The following PRRC2C variants were observed in gnomAD, a reference collection of about 807,000 sequenced individuals.
PRRC2C encodes the protein protein PRRC2C.
Under a neutral mutation model 317.2 loss-of-function variants are expected in PRRC2C, and 72 were observed. The observed-to-expected ratio is 0.23, with a 90% CI of 0.19 to 0.28. The LOEUF (loss-of-function observed/expected upper bound fraction) is 0.28, where lower values mean the gene tolerates loss of function less well. PRRC2C is among the 10% of genes least tolerant of loss of function. The pLI, the probability that PRRC2C is intolerant of heterozygous loss-of-function variation, is 1.00. For synonymous variants in PRRC2C, 1,296 were observed against 1,205.9 expected (o/e 1.07, Z -1.55); for missense variants, 3,074 against 3,459.7 (o/e 0.89, Z 2.80).
Position 171,537,297 on chromosome 1 carries a change from C to A in PRRC2C, c.2328C>A (p.Asp776Glu). 1.3e-6 allele frequency: 2 copies of A among 1,599,824 alleles called. No individual in the cohort carries two copies. Among genetic ancestry groups the A allele is most frequent in the Non-Finnish European group, 1.7e-6 (2 of 1,172,462 alleles). The change falls in exon 15 of 35, where the codon GAC (aspartate) becomes GAA (glutamate). Residue 776 changes from aspartate (D) to glutamate (E), a missense_variant. Around this residue, in one of 11 missense-constraint regions of PRRC2C, gnomAD observed 1,320 missense variants for 1,395.7 expected, o/e 0.95. Coordinates refer to ENST00000647382, the MANE Select transcript of PRRC2C (RefSeq NM_001387844.1). ...CTCCTAAACCATTAATGAGAAGAGACCAGATGGAAGGGTCACCGAACAGTT... is the reference window on the plus strand; with the variant it reads ...CTCCTAAACCATTAATGAGAAGAGAACAGATGGAAGGGTCACCGAACAGTT... ...MIPPKPLMRR[D>E]QMEGSPNSSE... is the part of the protein sequence containing the mutation.
chr1:171,542,325 AAGG>A (rs372863779), intron 16 of PRRC2C, 96 bp downstream of exon 16: 6 of 1,106,940 alleles, frequency 5.4e-6, no homozygotes, highest in African/African-American at 4.8e-5. Flanking sequence ...AGTCTAGATA[AAGG>A]ACCAAAAAAC....
rs1173641752 is a variant in PRRC2C at position 171,532,904 on chromosome 1, G to A, written c.1816G>A (p.Glu606Lys). The A allele has an allele frequency of 5.1e-6, 8 of 1,576,970 alleles. No homozygotes were observed. The African/African-American group carries it at 9.7e-5, about 19-fold the overall frequency. The stretch of plus-strand genomic sequence containing the variant: ...ATTAGAGGAGAAAATTGAACCCAGA[G>A]AACCTAATTTAGAGCCCATGGTAGA... Reference protein sequence around the residue: ...EKLEEKIEPREPNLEPMVEKQ... With the variant: ...EKLEEKIEPRKPNLEPMVEKQ... The change falls in exon 12 of 35, where the codon GAA becomes AAA. Residue 606 changes from glutamate to lysine, a missense_variant. This residue lies in a region of PRRC2C where 1,320 missense variants were observed against 1,395.7 expected (regional missense o/e 0.95). Coordinates refer to ENST00000647382, the MANE Select transcript of PRRC2C (RefSeq NM_001387844.1).
At chr1:171,527,912 C>A in intron 11 of PRRC2C, 68 bp downstream of exon 11, 2 of 1,331,708 alleles carry the variant, frequency 1.5e-6, no homozygotes, top group Non-Finnish European at 2.1e-6. Context: ...GGAAAGACAC[C>A]AAATTTTTTA....
intron 20 of PRRC2C, 89 bp downstream of exon 20, chr1:171,561,192 T>TCCCACCACGCTAGGATTAC: frequency 8.0e-7 from 1 of 1,254,346 alleles, no homozygotes; most frequent in Non-Finnish European, 1.2e-6. Flanking sequence ...CCTGTAATCC[T>TCCCACCACGCTAGGATTAC]AGCGTGGTGG....
At chr1:171,530,389 A>G (rs1274293902) in intron 11 of PRRC2C, among the ~76,000 whole-genome samples, 1 of 151,368 alleles carries the variant, frequency 6.6e-6, no homozygotes, top group East Asian at 2.0e-4. Flanking sequence ...GACCACAGGC[A>G]TGTGCCTCTA....
intron 1 of PRRC2C, among the ~76,000 whole-genome samples, chr1:171,499,022 C>T (rs140109099): frequency 1.8e-3 from 275 of 152,316 alleles, no homozygotes; most frequent in Admixed American, 2.7e-3. Context: ...GTTGCACAGG[C>T]TGATCTGGAG....
In PRRC2C at chr1:171,592,071, T is replaced by C. The variant is rs1424463602; in HGVS notation, c.*224T>C. On this transcript the variant is annotated 3_prime_UTR_variant, in exon 35 of 35. Coordinates refer to ENST00000647382, the MANE Select transcript of PRRC2C (RefSeq NM_001387844.1). ...TACCTACTATATAACATGTGCTTGG[T>C]TGATGGCCATGCATCTTCAGTCAGA... 1 of 456,940 alleles carries C rather than the reference T, an allele frequency of 2.2e-6. No homozygotes were observed. The highest frequency in any genetic ancestry group is 2.0e-5 in the African/African-American group (1 of 50,698). The allele number at this position is 456,940 out of a possible 1,614,324, so 28.3% of individuals were successfully genotyped here. A position where few individuals can be genotyped will look rare whatever the true frequency, so the allele number is the denominator to read the frequency against.
At chr1:171,517,290 T>A (rs1451834150) in intron 5 of PRRC2C, among the ~76,000 whole-genome samples, 1 of 152,128 alleles carries the variant, frequency 6.6e-6, no homozygotes, top group East Asian at 1.9e-4. Flanking sequence ...CCATCTGATA[T>A]ATGGAGAACA....
intron 1 of PRRC2C, among the ~76,000 whole-genome samples, chr1:171,501,570 A>G (rs1669121537): frequency 6.6e-6 from 1 of 152,234 alleles, no homozygotes; most frequent in African/African-American, 2.4e-5. Flanking sequence ...TGTGTTATTC[A>G]GAAGGTTTTG....
Position 171,496,199 on chromosome 1 carries a change from C to CTTTTTTTTT in PRRC2C, c.-58+10480_-58+10488dup, listed in dbSNP as rs528654548. ...ATTTTTAGAGCTTTGATTTTTGTGC[C>CTTTTTTTTT]TTTTTTTTTTTTTTTTTTTTTTTTG... On this transcript the variant is annotated intron_variant, in intron 1 of 34. Coordinates refer to ENST00000647382, the MANE Select transcript of PRRC2C (RefSeq NM_001387844.1). 3.8e-3 allele frequency among the ~76,000 whole-genome samples: 290 copies of CTTTTTTTTT among 75,634 alleles called. 20 individuals carry two copies. Among genetic ancestry groups the CTTTTTTTTT allele is most frequent in the Non-Finnish European group, 4.6e-3 (205 of 44,464 alleles). The allele number at this position is 75,634 out of a possible 152,430, so 49.6% of individuals were successfully genotyped here.
chr1:171,496,199 C>CTTTTTTTTTTTTTTTTTTTTTT (rs528654548), intron 1 of PRRC2C, among the ~76,000 whole-genome samples: 3 of 75,662 alleles, frequency 4.0e-5, no homozygotes, highest in African/African-American at 6.8e-5. Context: ...ATTTTTGTGC[C>CTTTTTTTTTTTTTTTTTTTTTT]TTTTTTTTTT....
In PRRC2C at chr1:171,592,715, T is replaced by A. The variant is rs1045102131; in HGVS notation, c.*868T>A. 6.6e-6 allele frequency: 1 copy of A among 152,108 alleles called. No homozygotes were observed. The highest frequency in any genetic ancestry group is 1.5e-5 in the Non-Finnish European group (1 of 67,994). The allele number at this position is 152,108 out of a possible 1,614,324, so 9.4% of individuals were successfully genotyped here. ...TGATTTGGGGGTTTTTTTCTTTTTT[T>A]TTTTATACCAGTTTTTAGCTGGTGT... On this transcript the variant is annotated 3_prime_UTR_variant, in exon 35 of 35. Coordinates refer to ENST00000647382, the MANE Select transcript of PRRC2C (RefSeq NM_001387844.1).
At chr1:171,579,735 C>G in intron 27 of PRRC2C, 93 bp from the exon 28 acceptor site, 1 of 1,384,544 alleles carries the variant, frequency 7.2e-7, no homozygotes, top group Non-Finnish European at 9.6e-7. Context: ...TAATTTTACT[C>G]TTTTCATGTC....
intron 15 of PRRC2C, among the ~76,000 whole-genome samples, chr1:171,539,126 C>T (rs972233932): frequency 6.6e-6 from 1 of 152,080 alleles, no homozygotes; most frequent in African/African-American, 2.4e-5. Context: ...CTCAGCCTCC[C>T]TAGTAGCTGG....
intron 1 of PRRC2C, among the ~76,000 whole-genome samples, chr1:171,506,138 C>T (rs2102189890): frequency 6.6e-6 from 1 of 152,318 alleles, no homozygotes; most frequent in African/African-American, 2.4e-5. Context: ...TTTAAGTGAT[C>T]TGTCCACCTT....
In PRRC2C at chr1:171,542,146, T is replaced by C. The variant is rs369385560; in HGVS notation, c.4680T>C (p.Asn1560=). ...PVDRQNRRGN[N]GPPKSGRNFS... The stretch of plus-strand genomic sequence containing the variant: ...ATCGTCAGAATCGACGTGGCAACAA[T>C]GGTCCACCCAAATCAGGAAGGAATT... Residue 1560 remains asparagine (N), a synonymous_variant, in exon 16 of 35, where the codon AAT becomes AAC. Coordinates refer to ENST00000647382, the MANE Select transcript of PRRC2C (RefSeq NM_001387844.1). 2.2e-5 allele frequency: 36 copies of C among 1,610,904 alleles called. No homozygotes were observed. The highest frequency in any genetic ancestry group is 3.0e-5 in the Non-Finnish European group (35 of 1,178,802).
At chr1:171,489,882 T>G (rs751135119) in intron 1 of PRRC2C, among the ~76,000 whole-genome samples, 1 of 152,216 alleles carries the variant, frequency 6.6e-6, no homozygotes, top group African/African-American at 2.4e-5. Flanking sequence ...TTTTCTTCAA[T>G]TCAACTTGCT....
intron 16 of PRRC2C, 121 bp from the exon 17 acceptor site, chr1:171,545,358 T>G (rs1678880749): frequency 1.2e-6 from 1 of 801,834 alleles, no homozygotes; most frequent in African/African-American, 1.8e-5. Flanking sequence ...TGGTTACAGT[T>G]AAGAGTTTTC....
chr1:171,557,341 G>A lies in PRRC2C; in HGVS notation c.5229G>A (p.Gln1743=), dbSNP rs1681643386. 3.9e-6 allele frequency: 6 copies of A among 1,551,852 alleles called. No individual in the cohort carries two copies. The highest frequency in any genetic ancestry group is 3.9e-5 in the Admixed American group (2 of 50,976). ...KKQATGIQQA[Q]SSASVPPLAS... ...AGGCTACAGGGATCCAGCAAGCACA[G>A]TCTTCAGCCTCAGTTCCACCTCTAG... Residue 1743 remains glutamine, a synonymous_variant, in exon 19 of 35, where the codon CAG becomes CAA. Transcript: ENST00000647382.
Sources: allele counts gnomAD v4.1 joint callset (sites outside exome capture counted in the v4.1 genomes callset), GRCh38; gene constraint gnomAD v4.1.1; regional missense constraint gnomAD v4.1.1; transcripts MANE v1.5; gene names NCBI Gene and HGNC (gene_info 2026-07-23, HGNC 2026-07-21).